DIXDC1: variants seen among roughly 807,000 people sequenced by gnomAD.
DIXDC1 encodes the protein DIX domain containing 1, also known as dixin.
DIXDC1 carries 64 observed loss-of-function variants against 103.1 expected under a neutral mutation model. The observed-to-expected ratio is 0.62, with a 90% CI of 0.51 to 0.76. DIXDC1 has a LOEUF of 0.76. Ranked by LOEUF, DIXDC1 falls within the 30% of genes least tolerant of loss-of-function variation. The probability of loss-of-function intolerance (pLI) is 0.00; values close to 1 mark genes in which losing one functional copy is unlikely to be tolerated. For synonymous variants in DIXDC1, 266 were observed against 298.5 expected, an observed-to-expected ratio of 0.89 and a Z score of 1.12; for missense variants, 759 against 834.2, an observed-to-expected ratio of 0.91 and a Z score of 1.11.
chr11:111,938,249 T>C (rs1555168467), intron 1 of DIXDC1, among the ~76,000 whole-genome samples: 1 of 152,176 alleles, frequency 6.6e-6, no homozygotes, highest in African/African-American at 2.4e-5. Flanking sequence ...CCCACTTGTT[T>C]CTCTTACAAT....
At chr11:111,993,368 G>A (rs782515498) in intron 12 of DIXDC1, 128 bp from the exon 13 acceptor site, 627 of 867,026 alleles carry the variant, frequency 7.2e-4, no homozygotes, top group Non-Finnish European at 1.1e-3. Context: ...AGTCTTCCTG[G>A]TATATTTGAG....
chr11:111,965,701 C>G (rs1484467032), intron 2 of DIXDC1, among the ~76,000 whole-genome samples: 2 of 152,102 alleles, frequency 1.3e-5, no homozygotes, highest in Non-Finnish European at 2.9e-5. Context: ...TTTTAGGAAA[C>G]AAGCTTAAAA....
At chr11:111,966,915 A>G (rs1198706371) in intron 2 of DIXDC1, among the ~76,000 whole-genome samples, 2 of 152,182 alleles carry the variant, frequency 1.3e-5, no homozygotes, top group Non-Finnish European at 2.9e-5. Flanking sequence ...TATCAAATCC[A>G]GTGGCCAGGC....
rs79632028 is a variant in DIXDC1 at position 111,992,922 on chromosome 11, G to A, written c.1219-29G>A. The stretch of plus-strand genomic sequence containing the variant: ...TTGAGGGTTAGCAGGCAGTACCTGC[G>A]TGCCATGAATTCTTTCTTATTCTTG... On this transcript the variant is annotated intron_variant, in intron 11 of 19. Transcript: ENST00000440460. 2.7e-4 allele frequency: 431 copies of A among 1,592,120 alleles called. 2 individuals carry two copies. The East Asian group carries it at 9.0e-3, about 33-fold the overall frequency.
chr11:111,980,864 C>G lies in DIXDC1; in HGVS notation c.769+15C>G. 6.2e-7 allele frequency: 1 copy of G among 1,604,490 alleles called. No homozygotes were observed. Among genetic ancestry groups the G allele is most frequent in the Non-Finnish European group, 8.5e-7 (1 of 1,171,788 alleles). ...GAACAGAACAGGTACTATCTCTACG[C>G]CTGCCTGGGCTGGTTCAAGGAACAG... On this transcript the variant is annotated intron_variant, in intron 6 of 19. Coordinates refer to ENST00000440460, the MANE Select transcript of DIXDC1 (RefSeq NM_001037954.4).
At chr11:111,974,785 T>C in intron 4 of DIXDC1, 91 bp from the exon 5 acceptor site, 1 of 1,546,848 alleles carries the variant, frequency 6.5e-7, no homozygotes, top group Non-Finnish European at 8.7e-7. Context: ...GTGTGTATAC[T>C]GCTCGCAGAG....
At chr11:111,996,885 T>C (rs1336096380) in intron 17 of DIXDC1, among the ~76,000 whole-genome samples, 1 of 152,122 alleles carries the variant, frequency 6.6e-6, no homozygotes, top group Non-Finnish European at 1.5e-5. Flanking sequence ...TTAAGGCGTT[T>C]AGTTTAAGTC....
At position 112,004,098 on chromosome 11, in the gene DIXDC1, A is replaced by G. The variant is rs587730823; in HGVS notation, c.1756+7952A>G. 4.0e-5 allele frequency among the ~76,000 whole-genome samples: 6 copies of G among 148,410 alleles called. No individual in the cohort carries two copies. The South Asian group carries it at 8.5e-4, about 21-fold the overall frequency. On this transcript the variant is annotated intron_variant, in intron 17 of 19. Coordinates refer to ENST00000440460, the MANE Select transcript of DIXDC1 (RefSeq NM_001037954.4). ...TATGTGTGTGTATATGTGTATATAT[A>G]TGTGTGTGTATATGTGTATATATAT...
chr11:111,946,043 T>C (rs1202942053), intron 1 of DIXDC1, among the ~76,000 whole-genome samples: 5 of 151,710 alleles, frequency 3.3e-5, no homozygotes, highest in African/African-American at 1.2e-4. Context: ...TTCAAGTGAT[T>C]CTCCTGCCTT....
intron 8 of DIXDC1, among the ~76,000 whole-genome samples, chr11:111,986,366 C>CT (rs1218631165): frequency 0.12 from 8,699 of 71,594 alleles, 389 homozygotes; most frequent in South Asian, 0.15. Context: ...CATACTTATT[C>CT]TTTTTTTTTT....
At chr11:111,927,926 G>C (rs1479106043) in intron 1 of DIXDC1, among the ~76,000 whole-genome samples, 1 of 143,402 alleles carries the variant, frequency 7.0e-6, no homozygotes, top group Non-Finnish European at 1.5e-5. Flanking sequence ...TGAGGCAGGA[G>C]AATCGATTGA....
chr11:111,994,539 ATATGTATATG>A (rs1444090730), intron 14 of DIXDC1, among the ~76,000 whole-genome samples: 10 of 151,136 alleles, frequency 6.6e-5, no homozygotes, highest in African/African-American at 1.9e-4. Flanking sequence ...ATATGTGTGT[ATATGTATATG>A]TATGTATATA....
At position 111,974,221 on chromosome 11, in the gene DIXDC1, G is replaced by C. The variant is rs1027236169; in HGVS notation, c.515G>C (p.Arg172Pro). The change falls in exon 4 of 20, where the codon CGA becomes CCA. Residue 172 changes from arginine to proline, a missense_variant. This residue lies in a region of DIXDC1 where 657 missense variants were observed against 727.5 expected (regional missense o/e 0.90). Transcript: ENST00000440460. ...ALADVCHDMS[R>P]SGRDVFRYRQ... The stretch of plus-strand genomic sequence containing the variant: ...GCCGATGTGTGTCATGACATGTCCC[G>C]ATCAGGACGGGATGTCTTTCGATAT... 1.9e-6 allele frequency: 3 copies of C among 1,613,740 alleles called. No individual in the cohort carries two copies. The highest frequency in any genetic ancestry group is 2.5e-6 in the Non-Finnish European group (3 of 1,179,824).
In DIXDC1 at chr11:111,958,627, G is replaced by T. The variant is rs1312853472; in HGVS notation, c.61-5922G>T. Among the ~76,000 whole-genome samples, 3 of 152,204 alleles carry T rather than the reference G, an allele frequency of 2.0e-5. No homozygotes were observed. Among genetic ancestry groups the T allele is most frequent in the African/African-American group, 7.2e-5 (3 of 41,476 alleles). ...GCCCCTTGGCACGTGGCAGGAGGCA[G>T]ACAGGCTCCTGTGTGGAAAGGGGCG... On this transcript the variant is annotated intron_variant, in intron 1 of 19. Transcript: ENST00000440460. The surrounding 1 kb of genome is among the most constrained non-coding windows in gnomAD (Gnocchi z 4.2).
intron 2 of DIXDC1, among the ~76,000 whole-genome samples, chr11:111,967,739 G>C (rs782497005): frequency 6.6e-6 from 1 of 152,206 alleles, no homozygotes; most frequent in Non-Finnish European, 1.5e-5. Flanking sequence ...CACCCTGCCA[G>C]TCAACTTTTA....
intron 1 of DIXDC1, among the ~76,000 whole-genome samples, chr11:111,951,496 A>G (rs587731783): frequency 6.6e-6 from 1 of 152,306 alleles, no homozygotes; most frequent in East Asian, 1.9e-4. Flanking sequence ...ATATCTAAAC[A>G]TTATAGAGAT....
rs1860118497 is a variant in DIXDC1 at position 111,976,982 on chromosome 11, C to G, written c.656+1999C>G. 1 of 152,914 alleles carries G rather than the reference C, an allele frequency of 6.5e-6. No homozygotes were observed. The highest frequency in any genetic ancestry group is 2.4e-5 in the African/African-American group (1 of 41,484). The allele number at this position is 152,914 out of a possible 1,614,324, so 9.5% of individuals were successfully genotyped here. ...ACCTGTCCGACCGACCCCTCGTCCA[C>G]CAAGGGAGGGCTCAGAGTGGAGAAG... On this transcript the variant is annotated intron_variant, in intron 5 of 19. Coordinates refer to ENST00000440460, the MANE Select transcript of DIXDC1 (RefSeq NM_001037954.4). The surrounding 1 kb of genome is among the most constrained non-coding windows in gnomAD (Gnocchi z 4.3).
At chr11:112,002,684 G>A (rs1861106931) in intron 17 of DIXDC1, among the ~76,000 whole-genome samples, 1 of 152,014 alleles carries the variant, frequency 6.6e-6, no homozygotes, top group African/African-American at 2.4e-5. Context: ...GCTATTCAGG[G>A]GGCTGCGGTG....
At chr11:111,995,176 G>A (rs1860853380) in intron 15 of DIXDC1, 68 bp downstream of exon 15, 1 of 1,524,456 alleles carries the variant, frequency 6.6e-7, no homozygotes, top group Non-Finnish European at 9.0e-7. Context: ...CCAAAGCCAT[G>A]GCCAGTGGAT....
Sources: allele counts gnomAD v4.1 joint callset (sites outside exome capture counted in the v4.1 genomes callset), GRCh38; gene constraint gnomAD v4.1.1; regional missense constraint gnomAD v4.1.1; non-coding constraint Gnocchi (gnomAD v3.1); transcripts MANE v1.5; gene names NCBI Gene and HGNC (gene_info 2026-07-23, HGNC 2026-07-21).